The following CCDC141 variants were observed in gnomAD, a reference collection of about 807,000 sequenced individuals.
CCDC141 encodes coiled-coil domain containing 141.
In CCDC141, 168 loss-of-function variants were observed where a neutral mutation model predicts 181.0. The ratio of observed to expected loss-of-function variants is 0.93; its 90% confidence interval spans 0.82 to 1.05. CCDC141 has a LOEUF of 1.05. Ranked by LOEUF, CCDC141 falls within the 50% of genes least tolerant of loss-of-function variation. The pLI, the probability that CCDC141 is intolerant of heterozygous loss-of-function variation, is 0.00. For synonymous variants in CCDC141, 666 were observed against 642.3 expected, an observed-to-expected ratio of 1.04 and a Z score of -0.56; for missense variants, 1,902 against 1,788.5, an observed-to-expected ratio of 1.06 and a Z score of -1.14.
intron 17 of CCDC141, among the ~76,000 whole-genome samples, chr2:178,865,422 T>A (rs974256412): frequency 6.6e-6 from 1 of 152,060 alleles, no homozygotes; most frequent in Non-Finnish European, 1.5e-5. Context: ...AAAAGCTGTA[T>A]CCACTGAAGC....
At chr2:178,875,432 G>T (rs1186437078) in intron 12 of CCDC141, 1 of 152,226 alleles carries the variant, frequency 6.6e-6, no homozygotes, top group South Asian at 2.1e-4. Flanking sequence ...GGGCATGGTG[G>T]CAGGCACCTG....
chr2:178,950,136 T>C (rs576913180), intron 5 of CCDC141, among the ~76,000 whole-genome samples: 39 of 152,360 alleles, frequency 2.6e-4, no homozygotes, highest in African/African-American at 8.9e-4. Context: ...AACCAGGTTC[T>C]ATTAAGTACA....
chr2:178,914,886 A>G (rs1688374516), intron 7 of CCDC141, among the ~76,000 whole-genome samples: 1 of 152,182 alleles, frequency 6.6e-6, no homozygotes. Flanking sequence ...AGGGGAATGA[A>G]TGAAAATGAA....
chr2:178,825,310 T>C (rs1226121820), downstream of CCDC141: 2 of 152,144 alleles, frequency 1.3e-5, no homozygotes, highest in Admixed American at 1.3e-4. Flanking sequence ...GAAAAGTACA[T>C]ACCCACAGTA....
chr2:178,920,340 T>C (rs955771875), intron 6 of CCDC141, among the ~76,000 whole-genome samples: 5 of 152,260 alleles, frequency 3.3e-5, no homozygotes, highest in African/African-American at 9.6e-5. Context: ...GCCATTATTG[T>C]TTCCATTCAT....
chr2:179,010,808 A>T (rs2042246723), intron 2 of CCDC141, among the ~76,000 whole-genome samples: 1 of 152,224 alleles, frequency 6.6e-6, no homozygotes, highest in South Asian at 2.1e-4. Context: ...TGAATGCAAC[A>T]GTACCTCATA....
At chr2:179,049,435 A>G (rs2043604139) in intron 1 of CCDC141, among the ~76,000 whole-genome samples, 1 of 152,006 alleles carries the variant, frequency 6.6e-6, no homozygotes, top group South Asian at 2.1e-4. Flanking sequence ...TCCCACCTCC[A>G]TCACATCCAC....
At chr2:178,863,866 C>T (rs939311563) in intron 17 of CCDC141, among the ~76,000 whole-genome samples, 1 of 152,208 alleles carries the variant, frequency 6.6e-6, no homozygotes, top group African/African-American at 2.4e-5. Flanking sequence ...AAATCAAACC[C>T]GCATGTATCT....
chr2:178,859,668 T>C (rs1685519895), intron 17 of CCDC141, among the ~76,000 whole-genome samples: 2 of 152,256 alleles, frequency 1.3e-5, no homozygotes, highest in Admixed American at 1.3e-4. Context: ...TCAGCTCTTC[T>C]ATATTTACCA....
Position 178,878,154 on chromosome 2 carries a change from A to C in CCDC141, c.1720-11T>G. 1 of 1,576,444 alleles carries C rather than the reference A, an allele frequency of 6.3e-7. No individual in the cohort carries two copies. Among genetic ancestry groups the C allele is most frequent in the Non-Finnish European group, 8.6e-7 (1 of 1,166,954 alleles). Reference sequence around the variant, plus strand: ...AAACTGCATCTCTACCTAAAAAAGAAAAAAGAGAGTTAAGAACACTTAAAC... The same window carrying C: ...AAACTGCATCTCTACCTAAAAAAGACAAAAGAGAGTTAAGAACACTTAAAC... On this transcript the variant is annotated splice_polypyrimidine_tract_variant and intron_variant, in intron 11 of 23. Coordinates refer to ENST00000443758, the MANE Select transcript of CCDC141 (RefSeq NM_173648.4).
chr2:179,012,919 T>A (rs2042311452), intron 2 of CCDC141, among the ~76,000 whole-genome samples: 1 of 152,142 alleles, frequency 6.6e-6, no homozygotes, highest in African/African-American at 2.4e-5. Flanking sequence ...CCAGCATCCC[T>A]TTATGATTAA....
At chr2:178,883,130 G>T (rs1686707320) in intron 11 of CCDC141, among the ~76,000 whole-genome samples, 1 of 152,184 alleles carries the variant, frequency 6.6e-6, no homozygotes, top group Non-Finnish European at 1.5e-5. Context: ...GAAAGCTAAG[G>T]AGGTTCATTT....
intron 5 of CCDC141, among the ~76,000 whole-genome samples, chr2:178,950,307 G>A (rs950403365): frequency 6.6e-6 from 1 of 152,124 alleles, no homozygotes; most frequent in African/African-American, 2.4e-5. Flanking sequence ...CTTTGATTTT[G>A]AAGGCATGTT....
At chr2:179,044,786 A>G (rs143080129) in intron 2 of CCDC141, among the ~76,000 whole-genome samples, 17 of 152,296 alleles carry the variant, frequency 1.1e-4, no homozygotes, top group African/African-American at 3.6e-4. Flanking sequence ...CAGAAACTTC[A>G]AGTAAGTATT....
chr2:178,989,031 GC>G (rs958676500), intron 2 of CCDC141, among the ~76,000 whole-genome samples: 16 of 152,224 alleles, frequency 1.1e-4, no homozygotes, highest in African/African-American at 3.9e-4. Flanking sequence ...CAATGTAAAA[GC>G]TAAAACTATA....
intron 2 of CCDC141, among the ~76,000 whole-genome samples, chr2:178,997,751 TTC>T (rs1478396757): frequency 6.6e-6 from 1 of 152,170 alleles, no homozygotes; most frequent in Non-Finnish European, 1.5e-5. Context: ...CCTCGAAGTC[TTC>T]TCTCTCTCAC....
At chr2:178,932,182 A>C (rs1416757984) in intron 6 of CCDC141, among the ~76,000 whole-genome samples, 3 of 152,112 alleles carry the variant, frequency 2.0e-5, no homozygotes, top group African/African-American at 4.8e-5. Context: ...AAAACAAAAA[A>C]ACACACACAC....
chr2:178,961,718 C>T (rs913439804), intron 4 of CCDC141, among the ~76,000 whole-genome samples: 2 of 152,158 alleles, frequency 1.3e-5, no homozygotes, highest in African/African-American at 4.8e-5. Flanking sequence ...TGATGGGATG[C>T]TTTGTTCAGC....
rs1480875340 is a variant in CCDC141 at position 178,872,386 on chromosome 2, T to C, written c.1900-74A>G. 5 of 1,339,374 alleles carry C rather than the reference T, an allele frequency of 3.7e-6. No homozygotes were observed. In the South Asian group the frequency reaches 7.3e-5, roughly 19 times the overall value. The allele number at this position is 1,339,374 out of a possible 1,614,324, so 83.0% of individuals were successfully genotyped here. On this transcript the variant is annotated intron_variant, in intron 12 of 23. Coordinates refer to ENST00000443758, the MANE Select transcript of CCDC141 (RefSeq NM_173648.4). ...AGCTTTTTGTTGTATATAACTATTT[T>C]ACGAGGCAAATTCTTTATCACAACC...
Sources: allele counts gnomAD v4.1 joint callset (sites outside exome capture counted in the v4.1 genomes callset), GRCh38; gene constraint gnomAD v4.1.1; transcripts MANE v1.5; gene names NCBI Gene and HGNC (gene_info 2026-07-23, HGNC 2026-07-21).